VPS8: variants seen among roughly 807,000 people sequenced by gnomAD.
VPS8 encodes the protein vacuolar protein sorting-associated protein 8 homolog.
VPS8 carries 129 observed loss-of-function variants against 216.4 expected under a neutral mutation model. That is an observed-to-expected ratio of 0.60 (90% confidence interval 0.52 to 0.69). VPS8 has a LOEUF of 0.69. Among genes scored for constraint, VPS8 ranks in the 30% least tolerant of loss-of-function variants. The pLI, the probability that VPS8 is intolerant of heterozygous loss-of-function variation, is 0.00. For synonymous variants in VPS8, 571 were observed against 565.4 expected, an observed-to-expected ratio of 1.01 and a Z score of -0.14; for missense variants, 1,531 against 1,683.5, an observed-to-expected ratio of 0.91 and a Z score of 1.59.
At chr3:185,023,613 G>A (rs1302074941) in intron 45 of VPS8, among the ~76,000 whole-genome samples, 2 of 152,022 alleles carry the variant, frequency 1.3e-5, no homozygotes, top group South Asian at 2.1e-4. Context: ...AGCCAAGATC[G>A]TGCCATTGCA....
intron 31 of VPS8, 58 bp downstream of exon 31, chr3:184,926,708 G>T: frequency 6.6e-7 from 1 of 1,517,678 alleles, no homozygotes; most frequent in Non-Finnish European, 8.9e-7. Flanking sequence ...AAGCCAGAAA[G>T]AATTCTTCTG....
At chr3:184,892,829 G>A (rs933547229) in intron 22 of VPS8, among the ~76,000 whole-genome samples, 2 of 152,000 alleles carry the variant, frequency 1.3e-5, no homozygotes, top group Non-Finnish European at 2.9e-5. Flanking sequence ...AAGGCTTTTT[G>A]TACTAAACTA....
intron 34 of VPS8, among the ~76,000 whole-genome samples, chr3:184,931,824 T>C (rs1240727437): frequency 6.6e-6 from 1 of 152,190 alleles, no homozygotes; most frequent in African/African-American, 2.4e-5. Flanking sequence ...CATCCTCCTC[T>C]TTAAGTCTCC....
chr3:184,952,795 C>G (rs1744940318), intron 36 of VPS8, among the ~76,000 whole-genome samples: 1 of 152,164 alleles, frequency 6.6e-6, no homozygotes, highest in East Asian at 1.9e-4. Flanking sequence ...TGTCCTCTGC[C>G]ATTCGGCAAA....
chr3:184,853,063 A>C (rs1409418589), intron 11 of VPS8, among the ~76,000 whole-genome samples: 1 of 152,194 alleles, frequency 6.6e-6, no homozygotes, highest in Non-Finnish European at 1.5e-5. Context: ...AAGGTTAACA[A>C]CTATCTTTGT....
intron 21 of VPS8, among the ~76,000 whole-genome samples, chr3:184,883,918 G>T (rs559917869): frequency 1.3e-5 from 2 of 152,164 alleles, no homozygotes; most frequent in Admixed American, 1.3e-4. Context: ...AGACATTCTT[G>T]TATGGTACAT....
chr3:184,902,603 G>A (rs1358059094), intron 25 of VPS8, among the ~76,000 whole-genome samples: 3 of 146,578 alleles, frequency 2.0e-5, no homozygotes, highest in East Asian at 2.1e-4. Flanking sequence ...AGGCTGAGGT[G>A]GGCGGATCAC....
chr3:184,857,307 A>C (rs149283473), intron 14 of VPS8, among the ~76,000 whole-genome samples: 1 of 152,372 alleles, frequency 6.6e-6, no homozygotes, highest in African/African-American at 2.4e-5. Context: ...TTTTATTAGA[A>C]CATCCCCAAT....
At chr3:184,959,320 C>T (rs920804926) in intron 37 of VPS8, among the ~76,000 whole-genome samples, 1 of 152,104 alleles carries the variant, frequency 6.6e-6, no homozygotes, top group African/African-American at 2.4e-5. Flanking sequence ...CCAGTCAAAG[C>T]CTTGGTAATA....
At chr3:184,819,292 CAGATT>C (rs1309567508) in intron 1 of VPS8, among the ~76,000 whole-genome samples, 2 of 152,110 alleles carry the variant, frequency 1.3e-5, no homozygotes, top group African/African-American at 4.8e-5. Flanking sequence ...TATTTCCTAT[CAGATT>C]AATCTGATTT....
chr3:184,990,081 GAA>G (rs1199544123), intron 42 of VPS8, among the ~76,000 whole-genome samples: 1 of 151,830 alleles, frequency 6.6e-6, no homozygotes, highest in Non-Finnish European at 1.5e-5. Context: ...CAAAAAAAAA[GAA>G]AAAAGAAAAG....
At chr3:184,957,992 G>A (rs765910890) in intron 37 of VPS8, among the ~76,000 whole-genome samples, 2 of 152,170 alleles carry the variant, frequency 1.3e-5, no homozygotes, top group Non-Finnish European at 2.9e-5. Context: ...AGATAGAGGC[G>A]GGAGCAGAGG....
At chr3:184,955,597 C>T (rs767788839) in intron 36 of VPS8, among the ~76,000 whole-genome samples, 2 of 152,062 alleles carry the variant, frequency 1.3e-5, no homozygotes, top group Non-Finnish European at 2.9e-5. Context: ...CAGCTATTGT[C>T]TCTTTATCTC....
intron 8 of VPS8, among the ~76,000 whole-genome samples, chr3:184,844,424 AAAT>A (rs1722731066): frequency 6.6e-6 from 1 of 152,140 alleles, no homozygotes; most frequent in African/African-American, 2.4e-5. Flanking sequence ...CTGTCAAAAA[AAAT>A]AAATAAATAA....
At chr3:184,887,054 C>T (rs1731412512) in intron 22 of VPS8, among the ~76,000 whole-genome samples, 2 of 152,130 alleles carry the variant, frequency 1.3e-5, no homozygotes, top group South Asian at 2.1e-4. Context: ...TATAAACTAG[C>T]CAACCTGGCT....
At chr3:184,862,226 G>A (rs139961552) in intron 15 of VPS8, among the ~76,000 whole-genome samples, 1 of 152,036 alleles carries the variant, frequency 6.6e-6, no homozygotes, top group African/African-American at 2.4e-5. Context: ...CTTGGGAAAC[G>A]ATTGGGATTG....
intron 29 of VPS8, 92 bp from the exon 30 acceptor site, chr3:184,924,770 G>T: frequency 6.9e-7 from 1 of 1,452,754 alleles, no homozygotes. Flanking sequence ...CGCGTCTTCA[G>T]TCATGAGGCT....
intron 21 of VPS8, 54 bp downstream of exon 21, chr3:184,870,859 C>A: frequency 7.0e-7 from 1 of 1,418,840 alleles, no homozygotes; most frequent in Non-Finnish European, 9.7e-7. Flanking sequence ...TCTAATACTC[C>A]TCTTTTATGT....
chr3:184,858,099 G>A (rs1057137645), intron 14 of VPS8, among the ~76,000 whole-genome samples: 2 of 152,166 alleles, frequency 1.3e-5, no homozygotes, highest in Admixed American at 6.5e-5. Context: ...AGAAAGCCCA[G>A]GTTGAATTGA....
Sources: gnomAD v4.1 joint callset for allele counts (sites outside exome capture counted in the v4.1 genomes callset) on GRCh38, gnomAD v4.1.1 for gene constraint, MANE v1.5 for transcripts, NCBI Gene and HGNC (gene_info 2026-07-23, HGNC 2026-07-21) for gene names.